Variants in ARHGAP24 observed in about 807,000 individuals in gnomAD.
The protein encoded by ARHGAP24 is rho GTPase-activating protein 24.
Under a neutral mutation model 76.4 loss-of-function variants are expected in ARHGAP24, and 50 were observed. That is an observed-to-expected ratio of 0.65 (90% confidence interval 0.52 to 0.83). ARHGAP24 has a LOEUF of 0.83. Ranked by LOEUF, ARHGAP24 falls within the 40% of genes least tolerant of loss-of-function variation. The pLI is 0.00. For synonymous variants in ARHGAP24, 345 were observed against 323.3 expected, an observed-to-expected ratio of 1.07 and a Z score of -0.72; for missense variants, 930 against 914.2, an observed-to-expected ratio of 1.02 and a Z score of -0.22.
At chr4:85,587,688 A>C (rs1026688968) in intron 2 of ARHGAP24, among the ~76,000 whole-genome samples, 2 of 152,186 alleles carry the variant, frequency 1.3e-5, no homozygotes, top group Admixed American at 1.3e-4. Flanking sequence ...AAATAAGTGC[A>C]GTTCCATCAA....
intron 2 of ARHGAP24, among the ~76,000 whole-genome samples, chr4:85,664,746 A>C (rs1344909620): frequency 6.6e-6 from 1 of 151,528 alleles, no homozygotes; most frequent in African/African-American, 2.4e-5. Context: ...GAACATCTTT[A>C]TTTCTGCCTT....
At chr4:85,740,261 C>G (rs1725767166) in intron 3 of ARHGAP24, among the ~76,000 whole-genome samples, 1 of 150,430 alleles carries the variant, frequency 6.6e-6, no homozygotes, top group African/African-American at 2.4e-5. Flanking sequence ...CCTCTGTCGT[C>G]CAGGCTGCAG....
At chr4:85,510,762 TTCCTCC>T (rs781429058) in intron 1 of ARHGAP24, among the ~76,000 whole-genome samples, 2 of 149,918 alleles carry the variant, frequency 1.3e-5, no homozygotes, top group African/African-American at 4.9e-5. Flanking sequence ...CTTTAATACA[TTCCTCC>T]TCCTCCTCCT....
intron 2 of ARHGAP24, among the ~76,000 whole-genome samples, chr4:85,677,378 G>A (rs796782346): frequency 7.3e-4 from 111 of 152,254 alleles, no homozygotes; most frequent in African/African-American, 2.5e-3. Flanking sequence ...GCACACAGCC[G>A]GTACCTCCCT....
intron 3 of ARHGAP24, among the ~76,000 whole-genome samples, chr4:85,759,590 G>A (rs1726658203): frequency 6.6e-6 from 1 of 152,138 alleles, no homozygotes; most frequent in African/African-American, 2.4e-5. Flanking sequence ...CGAGTCACAT[G>A]ATCAGAATTG....
chr4:85,979,818 C>G (rs765261535), intron 8 of ARHGAP24, among the ~76,000 whole-genome samples: 28 of 152,104 alleles, frequency 1.8e-4, no homozygotes, highest in Non-Finnish European at 4.1e-4. Context: ...GTACTATTTT[C>G]TTTGTCTTCC....
At chr4:85,693,680 G>T (rs961169038) in intron 2 of ARHGAP24, among the ~76,000 whole-genome samples, 2 of 152,212 alleles carry the variant, frequency 1.3e-5, no homozygotes, top group Non-Finnish European at 1.5e-5. Context: ...ACACACTCCT[G>T]TTGGGTAGCC....
chr4:85,969,496 C>T (rs1394984622), intron 5 of ARHGAP24, among the ~76,000 whole-genome samples: 1 of 151,196 alleles, frequency 6.6e-6, no homozygotes, highest in Non-Finnish European at 1.5e-5. Context: ...TTTTTATATT[C>T]TTTTCTTTCT....
At chr4:85,833,953 TTATTTAA>T (rs1730129874) in intron 3 of ARHGAP24, among the ~76,000 whole-genome samples, 1 of 152,212 alleles carries the variant, frequency 6.6e-6, no homozygotes, top group African/African-American at 2.4e-5. Flanking sequence ...GTTGGGAAGG[TTATTTAA>T]CTTTTGTGAA....
intron 3 of ARHGAP24, among the ~76,000 whole-genome samples, chr4:85,834,386 A>C (rs115192293): frequency 1.3e-5 from 2 of 152,244 alleles, no homozygotes; most frequent in Non-Finnish European, 2.9e-5. Context: ...AGAGAATTGC[A>C]TAAAAGAATA....
rs534906575 is a variant in ARHGAP24 at position 85,976,408 on chromosome 4, C to A, written c.807-1162C>A. ...AACTCTGTCTTTGGAGAAGATCCCCCCTCTGGTACCACATGACTCTCATCT... is the reference window on the plus strand; with the variant it reads ...AACTCTGTCTTTGGAGAAGATCCCCACTCTGGTACCACATGACTCTCATCT... On this transcript the variant is annotated intron_variant, in intron 7 of 9. Transcript: ENST00000395184. Among the ~76,000 whole-genome samples, 35 of 152,224 alleles carry A rather than the reference C, an allele frequency of 2.3e-4. No individual in the cohort carries two copies. In the South Asian group the frequency reaches 6.4e-3, roughly 28 times the overall value.
At chr4:85,551,989 C>G (rs778791660) in intron 1 of ARHGAP24, among the ~76,000 whole-genome samples, 3 of 151,972 alleles carry the variant, frequency 2.0e-5, no homozygotes, top group Non-Finnish European at 4.4e-5. Context: ...TGATCTTTAT[C>G]TTTTGTATGT....
At chr4:85,650,896 G>A (rs901949728) in intron 2 of ARHGAP24, among the ~76,000 whole-genome samples, 1 of 149,468 alleles carries the variant, frequency 6.7e-6, no homozygotes, top group Non-Finnish European at 1.5e-5. Flanking sequence ...TGCAAATTGG[G>A]CATTGGCAAT....
At chr4:85,848,546 G>A (rs1731022904) in intron 3 of ARHGAP24, among the ~76,000 whole-genome samples, 1 of 152,158 alleles carries the variant, frequency 6.6e-6, no homozygotes, top group African/African-American at 2.4e-5. Flanking sequence ...GTATTCCATG[G>A]TGTATATGTG....
chr4:85,539,960 G>A (rs957924711), intron 1 of ARHGAP24, among the ~76,000 whole-genome samples: 6 of 152,110 alleles, frequency 3.9e-5, no homozygotes, highest in Admixed American at 1.3e-4. Context: ...CAGGAGAATC[G>A]CTTGAACCCA....
chr4:85,750,917 C>T (rs13121496), intron 3 of ARHGAP24, among the ~76,000 whole-genome samples: 143,483 of 152,276 alleles, frequency 0.94, 68,214 homozygotes, highest in East Asian at 1. Context: ...AGTTTTGTTG[C>T]AGGTATCAAA....
At position 85,570,396 on chromosome 4, in the gene ARHGAP24, T is replaced by G. The variant is rs1007452644; in HGVS notation, c.-20-126T>G. ...TTTCTTTCTTTCTTTCTTTCTTTCTTTCTTTCTTTCTTTCTTTCTTTCCTC... is the reference window on the plus strand; with the variant it reads ...TTTCTTTCTTTCTTTCTTTCTTTCTGTCTTTCTTTCTTTCTTTCTTTCCTC... On this transcript the variant is annotated intron_variant, in intron 1 of 9. Coordinates refer to ENST00000395184, the MANE Select transcript of ARHGAP24 (RefSeq NM_001025616.3). The G allele has an allele frequency of 1.8e-5, 4 of 219,272 alleles. 2 individuals are homozygous for G. Among genetic ancestry groups the G allele is most frequent in the East Asian group, 1.5e-3 (2 of 1,310 alleles). 13.6% of individuals were successfully genotyped at this position (219,272 alleles called of 1,614,324 possible). A position where few individuals can be genotyped will look rare whatever the true frequency, so the allele number is the denominator to read the frequency against.
intron 3 of ARHGAP24, among the ~76,000 whole-genome samples, chr4:85,755,650 T>TTTTTA (rs1726462712): frequency 2.8e-5 from 4 of 144,762 alleles, no homozygotes; most frequent in East Asian, 4.0e-4. Context: ...TGTTTTGTTT[T>TTTTTA]GAGACGGAGT....
At chr4:85,573,371 TG>T (rs1402285571) in intron 2 of ARHGAP24, among the ~76,000 whole-genome samples, 1 of 152,206 alleles carries the variant, frequency 6.6e-6, no homozygotes, top group Admixed American at 6.5e-5. Flanking sequence ...GTTCTATGAG[TG>T]GCCTAATTTC....
Sources: gnomAD v4.1 joint callset for allele counts (sites outside exome capture counted in the v4.1 genomes callset) on GRCh38, gnomAD v4.1.1 for gene constraint, MANE v1.5 for transcripts, NCBI Gene and HGNC (gene_info 2026-07-23, HGNC 2026-07-21) for gene names.